The following NUDT3 variants were observed in gnomAD, a reference collection of about 807,000 sequenced individuals.
The protein encoded by NUDT3 is nudix hydrolase 3.
NUDT3 carries 9 observed loss-of-function variants against 23.6 expected under a neutral mutation model. The observed-to-expected ratio is 0.38, with a 90% CI of 0.23 to 0.66. NUDT3 has a LOEUF of 0.66. Ranked by LOEUF, NUDT3 falls within the 30% of genes least tolerant of loss-of-function variation. The pLI, the probability that NUDT3 is intolerant of heterozygous loss-of-function variation, is 0.52. For synonymous variants in NUDT3, 86 were observed against 82.6 expected, an observed-to-expected ratio of 1.04 and a Z score of -0.22; for missense variants, 172 against 218.5, an observed-to-expected ratio of 0.79 and a Z score of 1.34.
At chr6:34,303,732 T>G (rs537571878) in intron 2 of NUDT3, among the ~76,000 whole-genome samples, 1 of 152,182 alleles carries the variant, frequency 6.6e-6, no homozygotes, top group African/African-American at 2.4e-5. Flanking sequence ...TTACTGTTCT[T>G]TTCTAGTTTA....
chr6:34,356,018 C>T (rs1764555505), intron 1 of NUDT3, among the ~76,000 whole-genome samples: 1 of 152,058 alleles, frequency 6.6e-6, no homozygotes, highest in South Asian at 2.1e-4. Flanking sequence ...GGGACAATCT[C>T]AAGAGAGAAA....
At chr6:34,333,179 C>G (rs1227515995) in intron 2 of NUDT3, among the ~76,000 whole-genome samples, 1 of 152,134 alleles carries the variant, frequency 6.6e-6, no homozygotes, top group African/African-American at 2.4e-5. Flanking sequence ...AAAAAGGAAG[C>G]TAATTTGCAA....
intron 2 of NUDT3, among the ~76,000 whole-genome samples, chr6:34,329,049 G>A (rs1000010018): frequency 5.3e-5 from 8 of 152,012 alleles, no homozygotes; most frequent in African/African-American, 1.9e-4. Context: ...AAAAACTGGT[G>A]ACAATGAATA....
At chr6:34,348,758 A>T (rs1256417854) in intron 1 of NUDT3, among the ~76,000 whole-genome samples, 1 of 151,774 alleles carries the variant, frequency 6.6e-6, no homozygotes, top group East Asian at 1.9e-4. Flanking sequence ...CCTGGGTGAC[A>T]GCGCAAGACT....
chr6:34,340,995 T>C (rs934176368), intron 2 of NUDT3, among the ~76,000 whole-genome samples: 3 of 152,320 alleles, frequency 2.0e-5, no homozygotes, highest in Admixed American at 2.0e-4. Flanking sequence ...ATTAGACTTG[T>C]TGTAAGTGCT....
At chr6:34,315,540 AT>A (rs1248999512) in intron 2 of NUDT3, among the ~76,000 whole-genome samples, 1 of 152,180 alleles carries the variant, frequency 6.6e-6, no homozygotes, top group Non-Finnish European at 1.5e-5. Flanking sequence ...AAGGTAATTT[AT>A]TTCATTAAAT....
At chr6:34,331,012 G>A (rs531846062) in intron 2 of NUDT3, among the ~76,000 whole-genome samples, 65 of 152,186 alleles carry the variant, frequency 4.3e-4, no homozygotes, top group South Asian at 2.1e-4. Context: ...ATGCTACCAC[G>A]CCCAGCTAAT....
At chr6:34,345,197 C>T (rs1311041546) in intron 1 of NUDT3, among the ~76,000 whole-genome samples, 1 of 151,550 alleles carries the variant, frequency 6.6e-6, no homozygotes, top group African/African-American at 2.4e-5. Context: ...TACAGGTGCC[C>T]ACGACCACGT....
At chr6:34,365,296 G>A (rs995332724) in intron 1 of NUDT3, among the ~76,000 whole-genome samples, 4 of 149,236 alleles carry the variant, frequency 2.7e-5, no homozygotes, top group African/African-American at 9.8e-5. Flanking sequence ...CAGGCATGGT[G>A]GCAGGACCTG....
chr6:34,304,789 T>C (rs1214018684), intron 2 of NUDT3, among the ~76,000 whole-genome samples: 2 of 151,108 alleles, frequency 1.3e-5, no homozygotes, highest in East Asian at 1.9e-4. Flanking sequence ...GCCTCCTGAG[T>C]AGCTGGGACA....
At chr6:34,300,010 A>G (rs1763575622) in intron 2 of NUDT3, among the ~76,000 whole-genome samples, 1 of 152,000 alleles carries the variant, frequency 6.6e-6, no homozygotes, top group Non-Finnish European at 1.5e-5. Flanking sequence ...TGGTCTCCCA[A>G]ACTGCTGGGA....
chr6:34,298,225 G>A (rs1010934594), intron 2 of NUDT3, among the ~76,000 whole-genome samples: 28 of 151,972 alleles, frequency 1.8e-4, no homozygotes, highest in African/African-American at 6.5e-4. Flanking sequence ...GCTGGGGATG[G>A]TGGCACATGC....
chr6:34,365,267 T>G (rs534277962), intron 1 of NUDT3, among the ~76,000 whole-genome samples: 2 of 150,950 alleles, frequency 1.3e-5, no homozygotes, highest in Non-Finnish European at 3.0e-5. Flanking sequence ...CCATCTCTAC[T>G]AAAAATACAA....
At chr6:34,296,765 T>C (rs1470461423) in intron 2 of NUDT3, among the ~76,000 whole-genome samples, 1 of 152,136 alleles carries the variant, frequency 6.6e-6, no homozygotes, top group African/African-American at 2.4e-5. Flanking sequence ...TGGCTGTCTG[T>C]ATACAATATG....
chr6:34,372,186 T>C (rs1367861623), intron 1 of NUDT3, among the ~76,000 whole-genome samples: 2 of 152,174 alleles, frequency 1.3e-5, no homozygotes, highest in Non-Finnish European at 2.9e-5. Context: ...CTATTGTGAA[T>C]AGTGCTGCAA....
At chr6:34,301,184 C>T (rs1474334268) in intron 2 of NUDT3, among the ~76,000 whole-genome samples, 1 of 129,748 alleles carries the variant, frequency 7.7e-6, no homozygotes, top group Non-Finnish European at 1.8e-5. Context: ...TCCTTGTTAC[C>T]AAGTGAAAGA....
chr6:34,297,718 T>TAAAAAAAAAAAAAAAA (rs200099331), intron 2 of NUDT3, among the ~76,000 whole-genome samples: 1 of 78,794 alleles, frequency 1.3e-5, no homozygotes, highest in Admixed American at 1.7e-4. Flanking sequence ...CCGGCTAATG[T>TAAAAAAAAAAAAAAAA]AAAAAAAAAA....
chr6:34,293,437 T>C lies in NUDT3; in HGVS notation c.340+14A>G. ...TGTGAGGAACCCTTTCCAGGCTGTC[T>C]GGAGATGGCTTACCAATGTTAACTG... On this transcript the variant is annotated intron_variant, in intron 4 of 4. Transcript: ENST00000607016. 1 of 1,614,094 alleles carries C rather than the reference T, an allele frequency of 6.2e-7. No homozygotes were observed. The highest frequency in any genetic ancestry group is 8.5e-7 in the Non-Finnish European group (1 of 1,179,954).
intron 1 of NUDT3, among the ~76,000 whole-genome samples, chr6:34,358,258 T>TACACACAC (rs71538235): frequency 0.035 from 5,050 of 144,626 alleles, 171 homozygotes; most frequent in African/African-American, 0.079. Context: ...ATGAGTAGTT[T>TACACACAC]ACACACACAC....
Sources: gnomAD v4.1 joint callset for allele counts (sites outside exome capture counted in the v4.1 genomes callset) on GRCh38, gnomAD v4.1.1 for gene constraint, MANE v1.5 for transcripts, NCBI Gene and HGNC (gene_info 2026-07-23, HGNC 2026-07-21) for gene names.